COL28A1: variants seen among roughly 807,000 people sequenced by gnomAD.
The protein encoded by COL28A1 is collagen type XXVIII alpha 1 chain.
Under a neutral mutation model 150.2 loss-of-function variants are expected in COL28A1, and 161 were observed. That is an observed-to-expected ratio of 1.07 (90% confidence interval 0.94 to 1.22). The LOEUF (loss-of-function observed/expected upper bound fraction) is 1.22. COL28A1 is among the 50% of genes most tolerant of loss of function. The pLI is 0.00. For synonymous variants in COL28A1, 552 were observed against 469.7 expected (o/e 1.18, Z -2.26); for missense variants, 1,617 against 1,388.3 (o/e 1.16, Z -2.62).
intron 15 of COL28A1, among the ~76,000 whole-genome samples, chr7:7,473,921 T>C (rs1026382745): frequency 2.0e-5 from 3 of 150,094 alleles, no homozygotes; most frequent in African/African-American, 2.4e-5. Context: ...TGTTTGTTTA[T>C]ATATATGATG....
chr7:7,417,645 C>G, intron 27 of COL28A1: 1 of 549,744 alleles, frequency 1.8e-6, no homozygotes, highest in South Asian at 2.3e-5. Context: ...ACTTTTGCAC[C>G]AAGCAATTTA....
rs1394235805 is a variant in COL28A1, at chr7:7,524,229, C to G, written c.702G>C (p.Lys234Asn). 1 of 1,334,438 alleles carries G rather than the reference C, an allele frequency of 7.5e-7. No individual in the cohort carries two copies. Among genetic ancestry groups the G allele is most frequent in the South Asian group, 1.2e-5 (1 of 85,074 alleles). The allele number at this position is 1,334,438 out of a possible 1,614,324, so 82.7% of individuals were successfully genotyped here. ...AGTAATCAAAGCATGTGGTGCTTAC[C>G]TTCTTTTCAAATAAGATATCCTACA... ...QDRLDILFEK[K>N]CERKICECEK... The change falls in exon 4 of 35, where the codon AAG becomes AAC. Residue 234 changes from lysine to asparagine, a missense_variant and splice_region_variant. Physicochemically the swap from Lys to Asn is moderately conservative, Grantham distance 94. Coordinates refer to ENST00000399429, the MANE Select transcript of COL28A1 (RefSeq NM_001037763.3).
chr7:7,498,710 A>G (rs1780353281), intron 11 of COL28A1, among the ~76,000 whole-genome samples: 1 of 152,202 alleles, frequency 6.6e-6, no homozygotes, highest in Admixed American at 6.5e-5. Flanking sequence ...CTTACTTGAA[A>G]TAAATAAGGA....
chr7:7,519,774 T>G (rs1781611600), intron 6 of COL28A1, among the ~76,000 whole-genome samples: 1 of 152,196 alleles, frequency 6.6e-6, no homozygotes, highest in Non-Finnish European at 1.5e-5. Flanking sequence ...ATCATCATCC[T>G]AAATAAGATT....
intron 25 of COL28A1, among the ~76,000 whole-genome samples, chr7:7,427,298 C>G (rs1471693553): frequency 2.0e-5 from 3 of 152,162 alleles, no homozygotes; most frequent in Non-Finnish European, 4.4e-5. Flanking sequence ...ATGGCTCTGG[C>G]TTTAATTAGT....
chr7:7,353,516 T>C (rs1780276367), downstream of COL28A1, among the ~76,000 whole-genome samples: 1 of 152,186 alleles, frequency 6.6e-6, no homozygotes, highest in Non-Finnish European at 1.5e-5. Context: ...AAATGGGTGT[T>C]TTCCCTGGAT....
At chr7:7,374,038 A>AAAAAAAAAATATATAT in intron 31 of COL28A1, among the ~76,000 whole-genome samples, 18 of 113,622 alleles carry the variant, frequency 1.6e-4, no homozygotes, top group African/African-American at 6.8e-4. Flanking sequence ...AAAAAAAAAA[A>AAAAAAAAAATATATAT]ATATATATAT....
chr7:7,434,191 G>T (rs1044178323), intron 23 of COL28A1, among the ~76,000 whole-genome samples: 1 of 152,234 alleles, frequency 6.6e-6, no homozygotes, highest in East Asian at 1.9e-4. Flanking sequence ...GAAATATGTG[G>T]CCACTTATAA....
rs780481087 is a variant in COL28A1, at chr7:7,517,848, C to G, written c.814-11G>C. ...TTTTTGAGCGTTGCCCTGTGACAAA[C>G]AAAAAACAGTAAAAATTCCACAGCC... On this transcript the variant is annotated splice_polypyrimidine_tract_variant and intron_variant, in intron 6 of 34. Coordinates refer to ENST00000399429, the MANE Select transcript of COL28A1 (RefSeq NM_001037763.3). 3 of 1,613,322 alleles carry G rather than the reference C, an allele frequency of 1.9e-6. No homozygotes were observed. In the African/African-American group the frequency reaches 4.0e-5, roughly 22 times the overall value.
Position 7,370,894 on chromosome 7 carries a change from G to C in COL28A1, c.2909-12C>G, listed in dbSNP as rs756833153. 12 of 1,574,974 alleles carry C rather than the reference G, an allele frequency of 7.6e-6. No individual in the cohort carries two copies. The highest frequency in any genetic ancestry group is 1.7e-5 in the Admixed American group (1 of 59,324). On this transcript the variant is annotated splice_polypyrimidine_tract_variant and intron_variant, in intron 32 of 34. Coordinates refer to ENST00000399429, the MANE Select transcript of COL28A1 (RefSeq NM_001037763.3). ...TTGCTTCAGGGTGTCTTTTAAAAAA[G>C]AAGTAGAAAAGAGAGATAGTAGAAG...
chr7:7,376,149 T>C (rs752880603), intron 30 of COL28A1, among the ~76,000 whole-genome samples: 3 of 152,282 alleles, frequency 2.0e-5, no homozygotes, highest in East Asian at 1.9e-4. Context: ...AAGCTGCCAA[T>C]GCCCTTCCCT....
intron 16 of COL28A1, among the ~76,000 whole-genome samples, chr7:7,454,989 C>A (rs1787029039): frequency 1.3e-5 from 2 of 152,168 alleles, no homozygotes; most frequent in South Asian, 4.1e-4. Flanking sequence ...TCATATCCAA[C>A]TTTGCTGTTG....
chr7:7,538,964 TTTTC>T (rs962222839), upstream of COL28A1, among the ~76,000 whole-genome samples: 2 of 152,142 alleles, frequency 1.3e-5, no homozygotes, highest in Non-Finnish European at 1.5e-5. Flanking sequence ...CTTTTTTTCT[TTTTC>T]TTTCTTTCTT....
chr7:7,400,114 A>G (rs56122920), intron 27 of COL28A1, among the ~76,000 whole-genome samples: 2,551 of 152,350 alleles, frequency 0.017, 46 homozygotes, highest in Non-Finnish European at 0.026. Flanking sequence ...AAGCAGTGAA[A>G]GGGCAAAGCC....
chr7:7,351,147 C>T, the COL28A1 span, among the ~76,000 whole-genome samples: 1 of 152,116 alleles, frequency 6.6e-6, no homozygotes, highest in African/African-American at 2.4e-5. Flanking sequence ...GAAGAAGGAA[C>T]ATTCTGGTTT....
At chr7:7,380,031 G>C (rs1283755997) in intron 30 of COL28A1, among the ~76,000 whole-genome samples, 1 of 151,872 alleles carries the variant, frequency 6.6e-6, no homozygotes, top group African/African-American at 2.4e-5. Context: ...AGTCTAACAG[G>C]AAAAAAGGAA....
the COL28A1 span, among the ~76,000 whole-genome samples, chr7:7,344,422 G>C: frequency 6.6e-6 from 1 of 151,912 alleles, no homozygotes; most frequent in East Asian, 1.9e-4. Flanking sequence ...TTAATAGTTG[G>C]TCTAGTGATT....
In COL28A1 at chr7:7,496,347, G is replaced by C. The variant is rs1397298518; in HGVS notation, c.1027-5701C>G. Among the ~76,000 whole-genome samples, 4 of 152,170 alleles carry C rather than the reference G, an allele frequency of 2.6e-5. No individual in the cohort carries two copies. In the East Asian group the frequency reaches 7.7e-4, roughly 29 times the overall value. ...AGACATTTACTGAGCATTGACTAGGGAGCAGGGGCTCTGCTAGCTGTGGGA... is the reference window on the plus strand; with the variant it reads ...AGACATTTACTGAGCATTGACTAGGCAGCAGGGGCTCTGCTAGCTGTGGGA... On this transcript the variant is annotated intron_variant, in intron 11 of 34. Transcript: ENST00000399429.
intron 27 of COL28A1, among the ~76,000 whole-genome samples, chr7:7,409,001 T>C (rs1783637853): frequency 6.6e-6 from 1 of 152,160 alleles, no homozygotes; most frequent in Non-Finnish European, 1.5e-5. Flanking sequence ...ATTTGGGAGA[T>C]GTTGTTTAAC....
Sources: allele counts gnomAD v4.1 joint callset (sites outside exome capture counted in the v4.1 genomes callset), GRCh38; gene constraint gnomAD v4.1.1; transcripts MANE v1.5; gene names NCBI Gene and HGNC (gene_info 2026-07-23, HGNC 2026-07-21).